Variants in CNTN4 observed in about 807,000 individuals in gnomAD.
CNTN4 encodes contactin 4, also known as contactin-4.
In CNTN4, 77 loss-of-function variants were observed where a neutral mutation model predicts 122.5. The ratio of observed to expected loss-of-function variants is 0.63; its 90% CI spans 0.52 to 0.76. The LOEUF (loss-of-function observed/expected upper bound fraction) is 0.76. Among genes scored for constraint, CNTN4 ranks in the 30% least tolerant of loss-of-function variants. The pLI is 0.00. For missense variants in CNTN4, 1,256 were observed against 1,259.1 expected (o/e 1.00, Z 0.04); for synonymous variants, 512 against 447.0 (o/e 1.15, Z -1.83).
At chr3:2,481,369 G>A (rs2076001354) in intron 3 of CNTN4, among the ~76,000 whole-genome samples, 1 of 151,942 alleles carries the variant, frequency 6.6e-6, no homozygotes, top group Admixed American at 6.6e-5. Context: ...TCAAACTTCT[G>A]ACCTCAAGTG....
intron 2 of CNTN4, among the ~76,000 whole-genome samples, chr3:2,272,725 T>C (rs1400184170): frequency 6.6e-6 from 1 of 152,178 alleles, no homozygotes; most frequent in Non-Finnish European, 1.5e-5. Flanking sequence ...TGTATGATTA[T>C]CGTGATTATT....
At chr3:2,750,330 A>G (rs902539340) in intron 6 of CNTN4, among the ~76,000 whole-genome samples, 9 of 152,242 alleles carry the variant, frequency 5.9e-5, no homozygotes, top group African/African-American at 2.2e-4. Flanking sequence ...TATAAGGTAG[A>G]CATTATTTCT....
At chr3:2,771,586 A>G (rs1245359406) in intron 6 of CNTN4, among the ~76,000 whole-genome samples, 1 of 152,252 alleles carries the variant, frequency 6.6e-6, no homozygotes, top group Non-Finnish European at 1.5e-5. Context: ...CAATTGAGAC[A>G]AAGTATGTTG....
At chr3:2,268,369 G>T (rs1347044718) in intron 2 of CNTN4, among the ~76,000 whole-genome samples, 1 of 152,016 alleles carries the variant, frequency 6.6e-6, no homozygotes, top group African/African-American at 2.4e-5. Context: ...TTACATGCGT[G>T]TGACTTCTCA....
At chr3:2,883,529 T>C (rs1307276075) in intron 9 of CNTN4, among the ~76,000 whole-genome samples, 1 of 152,222 alleles carries the variant, frequency 6.6e-6, no homozygotes, top group Non-Finnish European at 1.5e-5. Context: ...TGACCTGTAA[T>C]GTGCATGCTG....
At chr3:2,137,180 C>A (rs1206447078) in intron 2 of CNTN4, among the ~76,000 whole-genome samples, 1 of 152,104 alleles carries the variant, frequency 6.6e-6, no homozygotes, top group East Asian at 1.9e-4. Context: ...TAAAATGGCT[C>A]CTTTAGACTG....
chr3:2,122,123 C>G (rs71309870), intron 2 of CNTN4, among the ~76,000 whole-genome samples: 1,582 of 151,268 alleles, frequency 0.01, 21 homozygotes, highest in Non-Finnish European at 0.017. Context: ...CCACTGCACT[C>G]CAGCCTGGGC....
chr3:2,549,261 C>T (rs1340460362), intron 3 of CNTN4, among the ~76,000 whole-genome samples: 1 of 152,120 alleles, frequency 6.6e-6, no homozygotes, highest in Non-Finnish European at 1.5e-5. Context: ...GTAAGAGAGG[C>T]ATCCTTGTCT....
intron 3 of CNTN4, among the ~76,000 whole-genome samples, chr3:2,391,437 A>G (rs1314719037): frequency 3.9e-5 from 6 of 152,212 alleles, no homozygotes; most frequent in Non-Finnish European, 5.9e-5. Flanking sequence ...CCAGAGAAAG[A>G]TGGAAAAGCT....
chr3:2,635,502 G>A (rs1371061680), intron 4 of CNTN4, among the ~76,000 whole-genome samples: 1 of 152,000 alleles, frequency 6.6e-6, no homozygotes, highest in Non-Finnish European at 1.5e-5. Flanking sequence ...ATGTCCAGTG[G>A]CTCCTTCACC....
intron 3 of CNTN4, among the ~76,000 whole-genome samples, chr3:2,416,437 G>A (rs1307411103): frequency 1.3e-5 from 2 of 152,162 alleles, no homozygotes; most frequent in Non-Finnish European, 2.9e-5. Flanking sequence ...ATACAGAAAT[G>A]AAAATTGGGA....
At chr3:2,941,025 G>GA (rs2094610214) in intron 13 of CNTN4, among the ~76,000 whole-genome samples, 1 of 152,150 alleles carries the variant, frequency 6.6e-6, no homozygotes, top group Admixed American at 6.5e-5. Flanking sequence ...AATTGTTATA[G>GA]AAAAAATGAG....
At chr3:2,726,856 C>G (rs2320829) in intron 4 of CNTN4, among the ~76,000 whole-genome samples, 19,351 of 152,068 alleles carry the variant, frequency 0.13, 1,599 homozygotes, top group East Asian at 0.43. Flanking sequence ...TTCATATTGG[C>G]TTATCGATTG....
At chr3:2,448,554 G>A (rs1215209505) in intron 3 of CNTN4, among the ~76,000 whole-genome samples, 3 of 152,158 alleles carry the variant, frequency 2.0e-5, no homozygotes, top group Non-Finnish European at 4.4e-5. Flanking sequence ...CGGAAGGTTG[G>A]TCGAGGGCAT....
At chr3:2,908,680 G>A (rs2094264433) in intron 12 of CNTN4, among the ~76,000 whole-genome samples, 1 of 152,150 alleles carries the variant, frequency 6.6e-6, no homozygotes, top group Non-Finnish European at 1.5e-5. Context: ...CAGAAGTGGT[G>A]GGGGTCAAAA....
At chr3:2,840,605 G>A (rs4684360) in intron 7 of CNTN4, among the ~76,000 whole-genome samples, 37,953 of 69,630 alleles carry the variant, frequency 0.55, 11,730 homozygotes, top group East Asian at 0.75. Context: ...AGGCTGAGGC[G>A]GGAGAATGGC....
chr3:2,825,199 G>C lies in CNTN4; in HGVS notation c.454+5618G>C, dbSNP rs141075689. Among the ~76,000 whole-genome samples, 639 of 152,064 alleles carry C rather than the reference G, an allele frequency of 4.2e-3. 9 individuals carry two copies. Among genetic ancestry groups the C allele is most frequent in the African/African-American group, 0.015 (603 of 41,502 alleles). ...AGTTGGAGATCCACCTGGCAACACAGTGAGGCCGTCTCTAAAAAATAATTT... is the reference window on the plus strand; with the variant it reads ...AGTTGGAGATCCACCTGGCAACACACTGAGGCCGTCTCTAAAAAATAATTT... On this transcript the variant is annotated intron_variant, in intron 7 of 24. Transcript: ENST00000418658.
chr3:2,803,166 A>G (rs565687884), intron 6 of CNTN4, among the ~76,000 whole-genome samples: 1 of 152,360 alleles, frequency 6.6e-6, no homozygotes, highest in South Asian at 2.1e-4. Flanking sequence ...TTAAATGTGA[A>G]TGGCCCATAA....
intron 3 of CNTN4, among the ~76,000 whole-genome samples, chr3:2,466,813 AT>A (rs1293964185): frequency 1.3e-5 from 2 of 152,160 alleles, no homozygotes; most frequent in East Asian, 3.9e-4. Context: ...GGTAATGGTA[AT>A]TTTTTAATAA....
Sources: allele counts gnomAD v4.1 joint callset (sites outside exome capture counted in the v4.1 genomes callset), GRCh38; gene constraint gnomAD v4.1.1; transcripts MANE v1.5; gene names NCBI Gene and HGNC (gene_info 2026-07-23, HGNC 2026-07-21).